Variants in CDS2 observed in about 807,000 individuals in gnomAD.
CDS2 encodes CDP-diacylglycerol synthase 2.
A neutral mutation model predicts 59.0 loss-of-function variants in CDS2; 47 were observed. The observed-to-expected ratio is 0.80, with a 90% confidence interval of 0.63 to 1.02. The LOEUF (loss-of-function observed/expected upper bound fraction) is 1.02. Ranked by LOEUF, CDS2 falls within the 50% of genes least tolerant of loss-of-function variation. The probability of loss-of-function intolerance (pLI) is 0.00; values close to 1 mark genes in which losing one functional copy is unlikely to be tolerated. For missense variants in CDS2, 356 were observed against 558.9 expected (o/e 0.64, Z 3.66); for synonymous variants, 207 against 206.4 (o/e 1.00, Z -0.02).
intron 5 of CDS2, among the ~76,000 whole-genome samples, chr20:5,180,425 T>C (rs2091025591): frequency 4.6e-5 from 7 of 152,168 alleles, no homozygotes; most frequent in Admixed American, 4.6e-4. Context: ...GATTATATGC[T>C]AAACAAAGGG....
At chr20:5,139,330 C>T (rs2090674322) in intron 1 of CDS2, among the ~76,000 whole-genome samples, 2 of 152,170 alleles carry the variant, frequency 1.3e-5, no homozygotes, top group African/African-American at 2.4e-5. Context: ...CCATAGCACT[C>T]CAGCCTAGGC....
intron 5 of CDS2, among the ~76,000 whole-genome samples, chr20:5,180,674 A>C (rs898104121): frequency 6.6e-6 from 1 of 152,080 alleles, no homozygotes; most frequent in Non-Finnish European, 1.5e-5. Context: ...GTGACTTAGA[A>C]TACCTAACCG....
intron 1 of CDS2, among the ~76,000 whole-genome samples, chr20:5,139,071 G>T (rs2090671860): frequency 6.6e-6 from 1 of 152,192 alleles, no homozygotes; most frequent in East Asian, 1.9e-4. Flanking sequence ...GCTGGGCGTG[G>T]TGGCTCATGC....
chr20:5,180,614 T>C (rs2091027206), intron 5 of CDS2, among the ~76,000 whole-genome samples: 1 of 152,174 alleles, frequency 6.6e-6, no homozygotes, highest in Non-Finnish European at 1.5e-5. Context: ...AGTTGTTTTC[T>C]CAGCAAGGTC....
In CDS2 at chr20:5,194,694, G is replaced by C. The variant is rs764705594; in HGVS notation, c.*4460G>C. 8 of 152,200 alleles carry C rather than the reference G, an allele frequency of 5.3e-5. No individual in the cohort carries two copies. The highest frequency in any genetic ancestry group is 1.2e-4 in the Non-Finnish European group (8 of 68,046). 9.4% of individuals were successfully genotyped at this position (152,200 alleles called of 1,614,324 possible). On this transcript the variant is annotated 3_prime_UTR_variant, in exon 13 of 13. Coordinates refer to ENST00000460006, the MANE Select transcript of CDS2 (RefSeq NM_003818.4). ...AGAATAGAGGGGCAGAGTTTGTGAA[G>C]TCTAGGGTTTTTTGTCCAGTGGGTT...
rs529841116 is a variant in CDS2, at chr20:5,184,055, C to T, written c.672-803C>T. On this transcript the variant is annotated intron_variant, in intron 7 of 12. Coordinates refer to ENST00000460006, the MANE Select transcript of CDS2 (RefSeq NM_003818.4). The surrounding 1 kb of genome is among the most constrained non-coding windows in gnomAD (Gnocchi z 4.3). Reference sequence around the variant, plus strand: ...CAGGTGCCTGTAATCCTAGCTATTCCGGAGGCTGAGGCAGGAGAATCACTT... The same window carrying T: ...CAGGTGCCTGTAATCCTAGCTATTCTGGAGGCTGAGGCAGGAGAATCACTT... Among the ~76,000 whole-genome samples, 62 of 152,076 alleles carry T rather than the reference C, an allele frequency of 4.1e-4. 1 individual carries two copies. The Middle Eastern group carries it at 0.01, about 25-fold the overall frequency.
intron 1 of CDS2, among the ~76,000 whole-genome samples, chr20:5,157,887 G>C (rs1404695649): frequency 6.6e-6 from 1 of 152,164 alleles, no homozygotes; most frequent in Non-Finnish European, 1.5e-5. Context: ...ACTTCAGATT[G>C]GGGTAGGTGG....
chr20:5,156,623 C>T (rs1271154084), intron 1 of CDS2, among the ~76,000 whole-genome samples: 2 of 152,098 alleles, frequency 1.3e-5, no homozygotes, highest in African/African-American at 4.8e-5. Flanking sequence ...TAAATGCAGG[C>T]AGCCAGTCAC....
chr20:5,173,718 C>G, intron 2 of CDS2, 59 bp downstream of exon 2: 1 of 1,597,898 alleles, frequency 6.3e-7, no homozygotes, highest in Non-Finnish European at 8.6e-7. Context: ...TCCAAGTGCC[C>G]TGGAAGAGCC....
At chr20:5,132,106 T>TC (rs1568525741) in intron 1 of CDS2, among the ~76,000 whole-genome samples, 1 of 152,172 alleles carries the variant, frequency 6.6e-6, no homozygotes, top group East Asian at 1.9e-4. Context: ...ATTTTAATTT[T>TC]TTTTTTTTTG....
intron 5 of CDS2, among the ~76,000 whole-genome samples, chr20:5,180,956 C>T (rs1299100229): frequency 6.6e-6 from 1 of 152,106 alleles, no homozygotes; most frequent in Non-Finnish European, 1.5e-5. Context: ...TAGGGCTATT[C>T]ACAGCTCGGA....
intron 1 of CDS2, among the ~76,000 whole-genome samples, chr20:5,165,978 G>A (rs1324967967): frequency 1.3e-5 from 2 of 152,150 alleles, no homozygotes; most frequent in African/African-American, 4.8e-5. Flanking sequence ...ATCTCAAGGG[G>A]CTTGTATGCC....
At chr20:5,134,976 C>T (rs1421681317) in intron 1 of CDS2, among the ~76,000 whole-genome samples, 2 of 152,126 alleles carry the variant, frequency 1.3e-5, no homozygotes, top group African/African-American at 2.4e-5. Context: ...TAAAGCATTT[C>T]TCCTCCCTCA....
chr20:5,164,989 C>T (rs2090903097), intron 1 of CDS2, among the ~76,000 whole-genome samples: 1 of 152,200 alleles, frequency 6.6e-6, no homozygotes, highest in African/African-American at 2.4e-5. Flanking sequence ...CAGAAGGAGG[C>T]TTCAATGGGC....
intron 1 of CDS2, among the ~76,000 whole-genome samples, chr20:5,151,616 T>G (rs2090790075): frequency 6.6e-6 from 1 of 151,828 alleles, no homozygotes; most frequent in South Asian, 2.1e-4. Flanking sequence ...TAAATAAAAT[T>G]TTTGTAGAGG....
At chr20:5,172,133 A>T (rs1264769177) in intron 1 of CDS2, among the ~76,000 whole-genome samples, 1 of 152,086 alleles carries the variant, frequency 6.6e-6, no homozygotes, top group Non-Finnish European at 1.5e-5. Flanking sequence ...TCTTCCATCC[A>T]TTAGTAAGTG....
At chr20:5,175,332 C>T in intron 3 of CDS2, 53 bp downstream of exon 3, 1 of 1,422,664 alleles carries the variant, frequency 7.0e-7, no homozygotes, top group South Asian at 1.1e-5. Flanking sequence ...TGCTGCAGGC[C>T]CGGTTGTCTT....
intron 1 of CDS2, among the ~76,000 whole-genome samples, chr20:5,140,132 G>A (rs1300586961): frequency 1.3e-5 from 2 of 152,134 alleles, no homozygotes; most frequent in African/African-American, 2.4e-5. Context: ...TATGGTTTTT[G>A]TCCTTTATTC....
At chr20:5,142,340 G>A (rs1160244291) in intron 1 of CDS2, among the ~76,000 whole-genome samples, 5 of 152,008 alleles carry the variant, frequency 3.3e-5, no homozygotes, top group African/African-American at 1.2e-4. Context: ...CCAGCTGCTC[G>A]GGAGGTTGAG....
Sources: gnomAD v4.1 joint callset for allele counts (sites outside exome capture counted in the v4.1 genomes callset) on GRCh38, gnomAD v4.1.1 for gene constraint, Gnocchi (gnomAD v3.1) non-coding constraint, MANE v1.5 for transcripts, NCBI Gene and HGNC (gene_info 2026-07-23, HGNC 2026-07-21) for gene names.